SGCZ: variants seen among roughly 807,000 people sequenced by gnomAD.
The protein encoded by SGCZ is zeta-sarcoglycan.
Under a neutral mutation model 41.3 loss-of-function variants are expected in SGCZ, and 40 were observed. That is an observed-to-expected ratio of 0.97 (90% CI 0.75 to 1.26). SGCZ has a LOEUF of 1.26. Among genes scored for constraint, SGCZ ranks in the 50% most tolerant of loss-of-function variants. The pLI is 0.00. For missense variants in SGCZ, 552 were observed against 369.8 expected, an observed-to-expected ratio of 1.49 and a Z score of -4.04; for synonymous variants, 206 against 137.5, an observed-to-expected ratio of 1.50 and a Z score of -3.49.
At position 15,121,829 on chromosome 8, in the gene SGCZ, A is replaced by G. The variant is rs114880304; in HGVS notation, c.39+115756T>C. 9.7e-3 allele frequency among the ~76,000 whole-genome samples: 1,469 copies of G among 151,516 alleles called. 20 individuals carry two copies. Among genetic ancestry groups the G allele is most frequent in the African/African-American group, 0.034 (1,400 of 41,300 alleles). On this transcript the variant is annotated intron_variant, in intron 1 of 7. Coordinates refer to ENST00000382080, the MANE Select transcript of SGCZ (RefSeq NM_139167.4). ...TGCCAATATGAAGGCAGAAGACAGC[A>G]GTATGTTCTGGAAAAATATAAACAA...
intron 4 of SGCZ, among the ~76,000 whole-genome samples, chr8:14,225,022 A>G (rs531312790): frequency 6.6e-6 from 1 of 152,244 alleles, no homozygotes; most frequent in Admixed American, 6.5e-5. Context: ...TTTGCCACAT[A>G]TCTTCTTTTT....
chr8:14,762,625 A>T (rs1389419478), intron 1 of SGCZ, among the ~76,000 whole-genome samples: 2 of 152,230 alleles, frequency 1.3e-5, no homozygotes, highest in Non-Finnish European at 2.9e-5. Context: ...TCATAAATTC[A>T]AAGCAAAATG....
At chr8:14,328,200 A>G (rs1802192082) in intron 2 of SGCZ, among the ~76,000 whole-genome samples, 1 of 152,212 alleles carries the variant, frequency 6.6e-6, no homozygotes, top group Non-Finnish European at 1.5e-5. Flanking sequence ...TCCAGTAACT[A>G]TTTATGAGTT....
At chr8:14,497,416 G>A (rs942704148) in intron 2 of SGCZ, among the ~76,000 whole-genome samples, 1 of 152,132 alleles carries the variant, frequency 6.6e-6, no homozygotes, top group African/African-American at 2.4e-5. Flanking sequence ...TACCACTAAG[G>A]AGATGGTGGT....
chr8:14,758,691 A>G (rs533288539), intron 1 of SGCZ, among the ~76,000 whole-genome samples: 1 of 152,272 alleles, frequency 6.6e-6, no homozygotes, highest in African/African-American at 2.4e-5. Flanking sequence ...ATTATTTACC[A>G]TTTATTTCTT....
chr8:14,846,308 T>C (rs769597492), intron 1 of SGCZ, among the ~76,000 whole-genome samples: 1 of 151,708 alleles, frequency 6.6e-6, no homozygotes, highest in Non-Finnish European at 1.5e-5. Context: ...CCAAAGCACA[T>C]AGAACAGTTA....
rs145062380 is a variant in SGCZ, at chr8:15,060,704, AAG to A, written c.39+176879_39+176880del. ...AAAAAAAAAGTCTCCCTTTGGGAAA[AAG>A]AGCAAGCTTGTATTCTTGACTTTGG... On this transcript the variant is annotated intron_variant, in intron 1 of 7. Transcript: ENST00000382080. Among the ~76,000 whole-genome samples the A allele has an allele frequency of 6.9e-3, 1,046 of 151,962 alleles. 18 individuals are homozygous for A. The highest frequency in any genetic ancestry group is 0.024 in the African/African-American group (986 of 41,482).
intron 1 of SGCZ, among the ~76,000 whole-genome samples, chr8:14,573,919 G>T (rs150019612): frequency 6.6e-6 from 1 of 152,100 alleles, no homozygotes; most frequent in East Asian, 1.9e-4. Flanking sequence ...AGCCATAGAA[G>T]GGAGCTAGGA....
At chr8:14,507,781 T>TG (rs1265358089) in intron 2 of SGCZ, among the ~76,000 whole-genome samples, 1 of 151,422 alleles carries the variant, frequency 6.6e-6, no homozygotes, top group East Asian at 1.9e-4. Context: ...TTTGTTTTTT[T>TG]TTTTTTCGAG....
At chr8:14,373,160 C>T (rs139918567) in intron 2 of SGCZ, among the ~76,000 whole-genome samples, 3,011 of 152,210 alleles carry the variant, frequency 0.02, 78 homozygotes, top group African/African-American at 0.056. Context: ...GAGGTTAGTA[C>T]TTGCTGATTG....
intron 1 of SGCZ, among the ~76,000 whole-genome samples, chr8:14,917,100 G>A (rs1248033007): frequency 6.6e-6 from 1 of 152,028 alleles, no homozygotes; most frequent in East Asian, 1.9e-4. Flanking sequence ...GGTATACTCT[G>A]CAGGTACAGC....
intron 5 of SGCZ, among the ~76,000 whole-genome samples, chr8:14,146,748 T>C (rs1431607582): frequency 5.4e-5 from 8 of 147,252 alleles, no homozygotes; most frequent in African/African-American, 2.0e-4. Flanking sequence ...GGCGGGCGCC[T>C]GTAGTCCCAG....
chr8:14,269,125 A>G (rs1017237875), intron 3 of SGCZ, among the ~76,000 whole-genome samples: 2 of 151,926 alleles, frequency 1.3e-5, no homozygotes, highest in Non-Finnish European at 1.5e-5. Flanking sequence ...AAATTTTTTT[A>G]TTTGTTTTCA....
At chr8:14,897,920 A>G (rs1805261513) in intron 1 of SGCZ, among the ~76,000 whole-genome samples, 1 of 152,168 alleles carries the variant, frequency 6.6e-6, no homozygotes, top group African/African-American at 2.4e-5. Flanking sequence ...GCATTAAGGG[A>G]TAGAGGCATT....
chr8:14,480,000 A>C (rs7831696), intron 2 of SGCZ, among the ~76,000 whole-genome samples: 138,294 of 152,178 alleles, frequency 0.91, 64,076 homozygotes, highest in East Asian at 1. Context: ...CCGCCTCGGC[A>C]TCCCAAAGCA....
At chr8:14,794,949 G>T (rs1322502475) in intron 1 of SGCZ, among the ~76,000 whole-genome samples, 1 of 152,184 alleles carries the variant, frequency 6.6e-6, no homozygotes, top group Non-Finnish European at 1.5e-5. Flanking sequence ...ATTATCAGCA[G>T]AGTTAAGGAG....
At chr8:14,721,480 A>G (rs1489942725) in intron 1 of SGCZ, among the ~76,000 whole-genome samples, 1 of 152,136 alleles carries the variant, frequency 6.6e-6, no homozygotes, top group South Asian at 2.1e-4. Flanking sequence ...TTAGGCCAGT[A>G]TTGAAAGCAT....
intron 3 of SGCZ, among the ~76,000 whole-genome samples, chr8:14,304,657 G>C (rs960752113): frequency 6.6e-5 from 10 of 152,088 alleles, no homozygotes; most frequent in Admixed American, 1.3e-4. Flanking sequence ...GGTTTATGTA[G>C]CTTTACATGC....
chr8:14,219,029 T>C (rs939976040), intron 4 of SGCZ, among the ~76,000 whole-genome samples: 1 of 152,230 alleles, frequency 6.6e-6, no homozygotes, highest in African/African-American at 2.4e-5. Flanking sequence ...AAAAGCTTGA[T>C]AAGTGGGTGC....
Sources: allele counts gnomAD v4.1 joint callset (sites outside exome capture counted in the v4.1 genomes callset), GRCh38; gene constraint gnomAD v4.1.1; transcripts MANE v1.5; gene names NCBI Gene and HGNC (gene_info 2026-07-23, HGNC 2026-07-21).